Variants in FRMD4A observed in about 807,000 individuals in gnomAD.
The protein encoded by FRMD4A is FERM domain containing 4A.
Under a neutral mutation model 129.1 loss-of-function variants are expected in FRMD4A, and 29 were observed. The observed-to-expected ratio is 0.22, with a 90% CI of 0.17 to 0.31. FRMD4A has a LOEUF of 0.31. Ranked by LOEUF, FRMD4A falls within the 10% of genes least tolerant of loss-of-function variation. The pLI, the probability that FRMD4A is intolerant of heterozygous loss-of-function variation, is 1.00. For missense variants in FRMD4A, 1,272 were observed against 1,375.8 expected (o/e 0.92, Z 1.19); for synonymous variants, 634 against 571.6 (o/e 1.11, Z -1.56).
chr10:13,835,282 T>C (rs565488174), intron 3 of FRMD4A, among the ~76,000 whole-genome samples: 1 of 152,338 alleles, frequency 6.6e-6, no homozygotes, highest in South Asian at 2.1e-4. Flanking sequence ...TATCCTACGG[T>C]TGTCCTCAAG....
In FRMD4A at chr10:13,652,393, A is replaced by T. The variant is rs75501024; in HGVS notation, c.3051-419T>A. ...TGACAGCCAAATAATACAATCAATC[A>T]TATATTTGGATCAGGTGAGACTGGG... On this transcript the variant is annotated intron_variant, in intron 23 of 24. Transcript: ENST00000357447. 1,925 of 198,054 alleles carry T rather than the reference A, an allele frequency of 9.7e-3. 48 individuals are homozygous for T. Among genetic ancestry groups the T allele is most frequent in the African/African-American group, 0.042 (1,813 of 42,662 alleles). 12.3% of individuals were successfully genotyped at this position (198,054 alleles called of 1,614,324 possible). A position where few individuals can be genotyped will look rare whatever the true frequency, so the allele number is the denominator to read the frequency against.
intron 2 of FRMD4A, among the ~76,000 whole-genome samples, chr10:14,009,179 G>A (rs1330277112): frequency 2.0e-5 from 3 of 152,088 alleles, no homozygotes; most frequent in African/African-American, 7.2e-5. Flanking sequence ...GGTCTCAAAC[G>A]TTAACTTTTC....
intron 3 of FRMD4A, among the ~76,000 whole-genome samples, chr10:13,830,165 A>G (rs544843536): frequency 4.6e-5 from 7 of 152,246 alleles, no homozygotes; most frequent in African/African-American, 1.7e-4. Flanking sequence ...TAAGGCCATG[A>G]CCTCACTGCC....
chr10:14,293,437 AC>A (rs1464821141), intron 2 of FRMD4A, among the ~76,000 whole-genome samples: 1 of 152,242 alleles, frequency 6.6e-6, no homozygotes, highest in Non-Finnish European at 1.5e-5. Context: ...TTATAGCAAC[AC>A]AAAATGGACT....
intron 2 of FRMD4A, among the ~76,000 whole-genome samples, chr10:14,031,174 C>T (rs1326712250): frequency 6.6e-6 from 1 of 152,182 alleles, no homozygotes; most frequent in Admixed American, 6.5e-5. Flanking sequence ...CTGGGCTTCA[C>T]CACGTGGACT....
chr10:14,023,437 T>G (rs990722361), intron 2 of FRMD4A, among the ~76,000 whole-genome samples: 2 of 152,174 alleles, frequency 1.3e-5, no homozygotes, highest in African/African-American at 2.4e-5. Flanking sequence ...AGCGCCAACC[T>G]TCCATAGCCT....
At chr10:14,237,837 A>T (rs1843883572) in intron 2 of FRMD4A, among the ~76,000 whole-genome samples, 1 of 152,168 alleles carries the variant, frequency 6.6e-6, no homozygotes, top group Non-Finnish European at 1.5e-5. Context: ...ACTGACTATG[A>T]TGAGGGTGCT....
intron 23 of FRMD4A, 26 bp from the exon 24 acceptor site, chr10:13,652,000 A>G (rs750113711): frequency 9.4e-6 from 12 of 1,282,250 alleles, no homozygotes; most frequent in Middle Eastern, 1.8e-4. Context: ...CAGGAGGAGG[A>G]AGAGAAGAGA....
intron 3 of FRMD4A, among the ~76,000 whole-genome samples, chr10:13,818,265 T>C (rs1374904782): frequency 6.6e-6 from 1 of 151,996 alleles, no homozygotes; most frequent in Admixed American, 6.6e-5. Context: ...CTGGGATCAG[T>C]GATCCTCCAG....
intron 4 of FRMD4A, among the ~76,000 whole-genome samples, chr10:13,797,797 G>C (rs1349307019): frequency 6.6e-6 from 1 of 152,110 alleles, no homozygotes; most frequent in Admixed American, 6.5e-5. Flanking sequence ...CTGCATCATT[G>C]TCTAAAAACG....
chr10:13,988,852 C>T (rs1001495889), intron 2 of FRMD4A, among the ~76,000 whole-genome samples: 5 of 152,116 alleles, frequency 3.3e-5, no homozygotes, highest in Non-Finnish European at 7.4e-5. Flanking sequence ...TGAGCATGGA[C>T]GTCAGAGAGG....
intron 2 of FRMD4A, among the ~76,000 whole-genome samples, chr10:14,240,097 T>C (rs1477650941): frequency 2.0e-5 from 3 of 152,210 alleles, no homozygotes; most frequent in Admixed American, 1.3e-4. Flanking sequence ...ATGTTGATGG[T>C]TGCTAGAGTC....
intron 3 of FRMD4A, among the ~76,000 whole-genome samples, chr10:13,854,010 A>G (rs774278318): frequency 2.0e-5 from 3 of 152,058 alleles, no homozygotes; most frequent in Non-Finnish European, 4.4e-5. Context: ...CAGTCTCACA[A>G]GCCTCAAGAG....
intron 2 of FRMD4A, among the ~76,000 whole-genome samples, chr10:14,291,937 T>A (rs998130716): frequency 1.3e-5 from 2 of 152,148 alleles, no homozygotes; most frequent in Non-Finnish European, 2.9e-5. Flanking sequence ...AAATGTGATG[T>A]ATTAAAGCTA....
chr10:14,234,982 A>G (rs1445315530), intron 2 of FRMD4A, among the ~76,000 whole-genome samples: 1 of 152,172 alleles, frequency 6.6e-6, no homozygotes, highest in Non-Finnish European at 1.5e-5. Context: ...GTACTTTTGT[A>G]GTGCTCGTTC....
intron 2 of FRMD4A, among the ~76,000 whole-genome samples, chr10:14,167,145 AG>A (rs1841224195): frequency 6.6e-6 from 1 of 152,228 alleles, no homozygotes; most frequent in African/African-American, 2.4e-5. Flanking sequence ...TGGATATCCC[AG>A]TGACACTGAT....
intron 6 of FRMD4A, among the ~76,000 whole-genome samples, chr10:13,782,640 C>T (rs1409859506): frequency 1.3e-5 from 2 of 152,084 alleles, no homozygotes; most frequent in Non-Finnish European, 2.9e-5. Context: ...GACAGGGTTT[C>T]ACCACGTTGG....
At chr10:14,004,812 T>C (rs2095655981) in intron 2 of FRMD4A, among the ~76,000 whole-genome samples, 1 of 152,172 alleles carries the variant, frequency 6.6e-6, no homozygotes, top group African/African-American at 2.4e-5. Flanking sequence ...GAGTAAATAG[T>C]AAAACTCGTA....
chr10:13,885,035 A>G (rs1478248111), intron 2 of FRMD4A, among the ~76,000 whole-genome samples: 3 of 152,182 alleles, frequency 2.0e-5, no homozygotes, highest in African/African-American at 7.2e-5. Flanking sequence ...CCTTCCAGTA[A>G]TATAAGTAAA....
Sources: gnomAD v4.1 joint callset for allele counts (sites outside exome capture counted in the v4.1 genomes callset) on GRCh38, gnomAD v4.1.1 for gene constraint, MANE v1.5 for transcripts, NCBI Gene and HGNC (gene_info 2026-07-23, HGNC 2026-07-21) for gene names.